ADCY3: variants seen among roughly 807,000 people sequenced by gnomAD.
ADCY3 encodes adenylate cyclase 3, also known as adenylate cyclase type 3.
In ADCY3, 70 loss-of-function variants were observed where a neutral mutation model predicts 119.4. The observed-to-expected ratio is 0.59, with a 90% CI of 0.48 to 0.72. The LOEUF (loss-of-function observed/expected upper bound fraction) is 0.72, where lower values mean the gene tolerates loss of function less well. Ranked by LOEUF, ADCY3 falls within the 30% of genes least tolerant of loss-of-function variation. The probability of loss-of-function intolerance (pLI) is 0.00; values close to 1 mark genes in which losing one functional copy is unlikely to be tolerated. For synonymous variants in ADCY3, 672 were observed against 621.4 expected (o/e 1.08, Z -1.21); for missense variants, 1,238 against 1,541.6 (o/e 0.80, Z 3.30).
At chr2:24,879,452 C>CAAAAAAAAAAAAA (rs34029858) in intron 2 of ADCY3, among the ~76,000 whole-genome samples, 1 of 66,084 alleles carries the variant, frequency 1.5e-5, no homozygotes, top group Non-Finnish European at 2.9e-5. Flanking sequence ...GACTCTGTCT[C>CAAAAAAAAAAAAA]AAAAAAAAAA....
chr2:24,825,016 AGTG>A (rs1668380288), intron 16 of ADCY3, among the ~76,000 whole-genome samples: 1 of 152,190 alleles, frequency 6.6e-6, no homozygotes, highest in Non-Finnish European at 1.5e-5. Flanking sequence ...GCCACCCAAT[AGTG>A]GTGCGGTTCC....
intron 3 of ADCY3, among the ~76,000 whole-genome samples, chr2:24,857,250 T>A (rs1673109006): frequency 6.6e-6 from 1 of 152,236 alleles, no homozygotes; most frequent in Admixed American, 6.5e-5. Flanking sequence ...GTGACTGCAG[T>A]CTCAGGAGAC....
intron 2 of ADCY3, among the ~76,000 whole-genome samples, chr2:24,877,025 G>A (rs555458345): frequency 1.3e-5 from 2 of 152,244 alleles, no homozygotes; most frequent in South Asian, 4.1e-4. Flanking sequence ...TGGCCCACTT[G>A]GCAGGCTCCT....
chr2:24,834,837 G>A lies in ADCY3; in HGVS notation c.1762C>T (p.Gln588Ter). 1 of 1,613,960 alleles carries A rather than the reference G, an allele frequency of 6.2e-7. No homozygotes were observed. Among genetic ancestry groups the A allele is most frequent in the Non-Finnish European group, 8.5e-7 (1 of 1,180,008 alleles). ...TCAAGCAGGGCCTCGTTGAGCAGCT[G>A]GTTGAGCTCGTGCTCATCTTCAGAG... is the stretch of plus-strand genomic sequence containing the variant. The part of the protein sequence containing the change: ...DASEDEHELN[Q>*]LLNEALLERE... Residue 588 changes from glutamine (Q) to a stop codon, truncating the protein, a stop_gained, in exon 10 of 22, where the codon CAG becomes TAG. Transcript: ENST00000679454. LOFTEE classifies it high-confidence loss of function. The surrounding 1 kb of genome is among the most constrained non-coding windows in gnomAD (Gnocchi z 4.2).
intron 13 of ADCY3, among the ~76,000 whole-genome samples, chr2:24,829,365 A>G (rs1291592395): frequency 7.2e-6 from 1 of 138,712 alleles, no homozygotes; most frequent in Non-Finnish European, 1.5e-5. Flanking sequence ...TTTCACTTAT[A>G]CCACTGGCAG....
At position 24,819,733 on chromosome 2, in the gene ADCY3, G is replaced by A. The variant is rs182536097; in HGVS notation, c.*199C>T. 685 of 600,016 alleles carry A rather than the reference G, an allele frequency of 1.1e-3. 3 individuals are homozygous for A. The highest frequency in any genetic ancestry group is 0.011 in the African/African-American group (576 of 52,886). The allele number at this position is 600,016 out of a possible 1,614,324, so 37.2% of individuals were successfully genotyped here. On this transcript the variant is annotated 3_prime_UTR_variant, in exon 22 of 22. Transcript: ENST00000679454. ...TCAGCCCTATGCCTAAGACCCCTATGCTGGGGACACTACAGGCACACACAG... is the reference window on the plus strand; with the variant it reads ...TCAGCCCTATGCCTAAGACCCCTATACTGGGGACACTACAGGCACACACAG...
chr2:24,889,793 G>A (rs376068866), intron 2 of ADCY3, among the ~76,000 whole-genome samples: 2 of 152,214 alleles, frequency 1.3e-5, no homozygotes, highest in African/African-American at 4.8e-5. Flanking sequence ...CCAAGGTCGC[G>A]CCATTGCACT....
Position 24,836,872 on chromosome 2 carries a change from C to T in ADCY3, c.1662+45G>A, listed in dbSNP as rs78300419. 2,878 of 1,561,490 alleles carry T rather than the reference C, an allele frequency of 1.8e-3. 38 individuals are homozygous for T. In the African/African-American group the frequency reaches 0.033, roughly 18 times the overall value. ...AACGTATTGCTTCCTGGTGCCTGCCCGCATCTGGCCCTCAGTGACCCCCTG... is the reference window on the plus strand; with the variant it reads ...AACGTATTGCTTCCTGGTGCCTGCCTGCATCTGGCCCTCAGTGACCCCCTG... On this transcript the variant is annotated intron_variant, in intron 9 of 21. Transcript: ENST00000679454.
intron 8 of ADCY3, 142 bp from the exon 9 acceptor site, chr2:24,837,187 A>C: frequency 1.0e-6 from 1 of 984,858 alleles, no homozygotes; most frequent in South Asian, 1.8e-5. Context: ...TTGCAAAGTG[A>C]GGCGTCAAGG....
Position 24,919,876 on chromosome 2 carries a change from C to A in ADCY3, c.-391G>T, listed in dbSNP as rs2149103548. 6.6e-6 allele frequency: 1 copy of A among 150,898 alleles called. No individual in the cohort carries two copies. Among genetic ancestry groups the A allele is most frequent in the South Asian group, 2.1e-4 (1 of 4,832 alleles). 9.3% of individuals were successfully genotyped at this position (150,898 alleles called of 1,614,324 possible). ...GGAGAGGCGCAGGGCTGCCCCTCAG[C>A]ATCCGCGGGCGCCCGGCCGCAGGGG... On this transcript the variant is annotated 5_prime_UTR_variant, in exon 1 of 22. The change abolishes an upstream ATG in the 5' untranslated region. Transcript: ENST00000679454. This position sits in a 1 kb window ranked among gnomAD's most constrained non-coding sequence, Gnocchi z 5.5.
In ADCY3 at chr2:24,872,964, C is replaced by T. The variant is rs372090946; in HGVS notation, c.676-245G>A. The stretch of plus-strand genomic sequence containing the variant: ...AGGCCTGAAAGGCTCAAGGGTTCCA[C>T]GAGGGGCAGGGTGCAGGCGTTCAAG... On this transcript the variant is annotated intron_variant, in intron 2 of 21. Coordinates refer to ENST00000679454, the MANE Select transcript of ADCY3 (RefSeq NM_004036.5). This position sits in a 1 kb window ranked among gnomAD's most constrained non-coding sequence, Gnocchi z 4.4. Among the ~76,000 whole-genome samples, 2 of 152,342 alleles carry T rather than the reference C, an allele frequency of 1.3e-5. No homozygotes were observed. The highest frequency in any genetic ancestry group is 4.1e-4 in the South Asian group (2 of 4,834).
chr2:24,918,326 T>C lies in ADCY3; in HGVS notation c.662A>G (p.Gln221Arg). Residue 221 changes from glutamine to arginine, a missense_variant, in exon 2 of 22, where the codon CAG (glutamine) becomes CGG (arginine). This residue lies in a region of ADCY3 where 283 missense variants were observed against 437.2 expected (regional missense o/e 0.65). Coordinates refer to ENST00000679454, the MANE Select transcript of ADCY3 (RefSeq NM_004036.5). This position sits in a 1 kb window ranked among gnomAD's most constrained non-coding sequence, Gnocchi z 5.4. ...GGCAGGACTCACCTCCCGCAGCAGC[T>C]GCATCCCCTTGAGCTCCTCCTGCTG... ...QQQQEELKGM[Q>R]LLREILANVF... is the part of the protein sequence containing the mutation. 6.4e-7 allele frequency: 1 copy of C among 1,570,938 alleles called. No homozygotes were observed. The highest frequency in any genetic ancestry group is 8.6e-7 in the Non-Finnish European group (1 of 1,157,332).
At chr2:24,825,149 C>G (rs1455201161) in intron 16 of ADCY3, among the ~76,000 whole-genome samples, 1 of 152,160 alleles carries the variant, frequency 6.6e-6, no homozygotes, top group Admixed American at 6.5e-5. Context: ...TCTCCCAACT[C>G]AGGGTGGAGT....
In ADCY3 at chr2:24,822,566, G is replaced by A. The variant is rs1667940757; in HGVS notation, c.2948C>T (p.Ala983Val). Reference protein sequence around the residue: ...KIKTIGSTYMAASGVTPDVNT... With the variant: ...KIKTIGSTYMVASGVTPDVNT... ...GACATCGGGGGTGACTCCTGAAGCCGCCATATACGTGCTGCCAATGGTTTT... is the reference window on the plus strand; with the variant it reads ...GACATCGGGGGTGACTCCTGAAGCCACCATATACGTGCTGCCAATGGTTTT... Residue 983 changes from alanine (A) to valine (V), a missense_variant, in exon 19 of 22, where the codon GCG becomes GTG. Ala to Val is a moderately conservative substitution (Grantham distance 64). Transcript: ENST00000679454. 3 of 1,613,900 alleles carry A rather than the reference G, an allele frequency of 1.9e-6. No homozygotes were observed. Among genetic ancestry groups the A allele is most frequent in the Non-Finnish European group, 2.5e-6 (3 of 1,179,910 alleles).
At chr2:24,877,106 C>T (rs1354333531) in intron 2 of ADCY3, among the ~76,000 whole-genome samples, 1 of 152,222 alleles carries the variant, frequency 6.6e-6, no homozygotes, top group East Asian at 1.9e-4. Flanking sequence ...AAGGCAGCCC[C>T]TCCTCCTCCC....
intron 3 of ADCY3, among the ~76,000 whole-genome samples, chr2:24,845,642 G>A (rs1572872155): frequency 6.6e-6 from 1 of 152,222 alleles, no homozygotes; most frequent in Non-Finnish European, 1.5e-5. Flanking sequence ...CTGACTATGC[G>A]ATAGAAAAGG....
intron 2 of ADCY3, among the ~76,000 whole-genome samples, chr2:24,917,876 G>A (rs893715272): frequency 7.2e-5 from 11 of 152,198 alleles, no homozygotes; most frequent in South Asian, 4.1e-4. Flanking sequence ...CAGGCAGAGC[G>A]GACGTTATCC....
In ADCY3 at chr2:24,918,227, G is replaced by C. The variant is rs529739935; in HGVS notation, c.675+86C>G. 4.6e-5 allele frequency: 67 copies of C among 1,448,982 alleles called. 1 individual carries two copies. The East Asian group carries it at 1.0e-3, about 22-fold the overall frequency. The allele number at this position is 1,448,982 out of a possible 1,614,324, so 89.8% of individuals were successfully genotyped here. The stretch of plus-strand genomic sequence containing the variant: ...CCCCAGGACACATTTTGACTCAAAG[G>C]CAAAGCAAACAGCAACTCCAACAGG... On this transcript the variant is annotated intron_variant, in intron 2 of 21. Coordinates refer to ENST00000679454, the MANE Select transcript of ADCY3 (RefSeq NM_004036.5). This position sits in a 1 kb window ranked among gnomAD's most constrained non-coding sequence, Gnocchi z 5.4.
At chr2:24,837,141 A>G (rs1670418892) in intron 8 of ADCY3, 96 bp from the exon 9 acceptor site, 1 of 1,395,294 alleles carries the variant, frequency 7.2e-7, no homozygotes, top group South Asian at 1.4e-5. Flanking sequence ...CGGTGGGATT[A>G]GAGAGCAATC....
Sources: allele counts gnomAD v4.1 joint callset (sites outside exome capture counted in the v4.1 genomes callset), GRCh38; gene constraint gnomAD v4.1.1; regional missense constraint gnomAD v4.1.1; non-coding constraint Gnocchi (gnomAD v3.1); transcripts MANE v1.5; gene names NCBI Gene and HGNC (gene_info 2026-07-23, HGNC 2026-07-21).